RARB: variants seen among roughly 807,000 people sequenced by gnomAD.
The protein encoded by RARB is retinoic acid receptor beta.
A neutral mutation model predicts 51.9 loss-of-function variants in RARB; 17 were observed. That is an observed-to-expected ratio of 0.33 (90% CI 0.22 to 0.49). The LOEUF is 0.49. RARB is among the 20% of genes least tolerant of loss of function. The pLI is 0.99. For synonymous variants in RARB, 215 were observed against 195.4 expected, an observed-to-expected ratio of 1.10 and a Z score of -0.84; for missense variants, 369 against 550.8, an observed-to-expected ratio of 0.67 and a Z score of 3.30.
intron 1 of RARB, among the ~76,000 whole-genome samples, chr3:24,849,188 A>T (rs1478054810): frequency 6.6e-6 from 1 of 152,254 alleles, no homozygotes; most frequent in Non-Finnish European, 1.5e-5. Context: ...TAATAAAAAT[A>T]AGCAATTATA....
chr3:25,569,647 G>A, intron 3 of RARB, 111 bp from the exon 4 acceptor site: 1 of 1,283,274 alleles, frequency 7.8e-7, no homozygotes, highest in South Asian at 1.5e-5. Context: ...CACTGTTTCT[G>A]TCCCAAATAT....
At position 25,332,103 on chromosome 3, in the gene RARB, C is replaced by G. The variant is rs559834714; in HGVS notation, c.179-129090C>G. ...CCAAATTCTACCAGAGGTACAAAGA[C>G]GAGCTGGTACCATTCGTTCTGAAAC... On this transcript the variant is annotated intron_variant, in intron 5 of 11. Coordinates refer to the RARB transcript ENST00000383772. Among the ~76,000 whole-genome samples the G allele has an allele frequency of 3.4e-3, 518 of 152,148 alleles. 2 individuals are homozygous for G. Among genetic ancestry groups the G allele is most frequent in the Admixed American group, 6.0e-3 (91 of 15,264 alleles).
chr3:25,253,253 A>G (rs1411883280), intron 5 of RARB, among the ~76,000 whole-genome samples: 1 of 152,132 alleles, frequency 6.6e-6, no homozygotes, highest in Non-Finnish European at 1.5e-5. Flanking sequence ...TCTATTCTCT[A>G]TCAAAACCTG....
intron 2 of RARB, among the ~76,000 whole-genome samples, chr3:24,927,145 C>T (rs1695337532): frequency 6.6e-6 from 1 of 151,872 alleles, no homozygotes; most frequent in African/African-American, 2.4e-5. Context: ...CCATTTTTTC[C>T]TTATAGTGTC....
At chr3:24,913,918 T>C (rs1695053209) in intron 2 of RARB, among the ~76,000 whole-genome samples, 1 of 152,220 alleles carries the variant, frequency 6.6e-6, no homozygotes, top group African/African-American at 2.4e-5. Flanking sequence ...GACTAATTTT[T>C]CTTAGAATTT....
chr3:25,562,744 G>A (rs530128757), intron 3 of RARB, among the ~76,000 whole-genome samples: 5 of 152,290 alleles, frequency 3.3e-5, no homozygotes, highest in African/African-American at 7.2e-5. Context: ...GCACCACACC[G>A]TGCTTGTCTG....
In RARB at chr3:25,593,727, G is replaced by A. The variant is rs754500239; in HGVS notation, c.991+20G>A. On this transcript the variant is annotated intron_variant, in intron 6 of 7. Transcript: ENST00000330688. ...GTGGAGGTACCAACTATGTAGAAAA[G>A]CCTCATGAAATTCCATGAAGAACAG... is the stretch of plus-strand genomic sequence containing the variant. 1.9e-6 allele frequency: 3 copies of A among 1,604,032 alleles called. No homozygotes were observed. In the African/African-American group the frequency reaches 4.0e-5, roughly 22 times the overall value.
chr3:25,282,778 C>T (rs1445027393), intron 5 of RARB, among the ~76,000 whole-genome samples: 1 of 152,174 alleles, frequency 6.6e-6, no homozygotes, highest in East Asian at 1.9e-4. Context: ...TCAGTGCACC[C>T]ACTGGGACTG....
intron 2 of RARB, among the ~76,000 whole-genome samples, chr3:24,927,195 G>A (rs1014836315): frequency 2.6e-5 from 4 of 152,000 alleles, no homozygotes; most frequent in East Asian, 3.9e-4. Flanking sequence ...AGTAAAACTC[G>A]TAGATTTGCA....
intron 5 of RARB, among the ~76,000 whole-genome samples, chr3:25,397,529 G>T (rs1444053605): frequency 6.6e-6 from 1 of 152,158 alleles, no homozygotes; most frequent in Non-Finnish European, 1.5e-5. Context: ...TCATCCAAGT[G>T]GAACCTGCAA....
chr3:25,042,676 T>A (rs1210223609), intron 2 of RARB, among the ~76,000 whole-genome samples: 1 of 152,204 alleles, frequency 6.6e-6, no homozygotes, highest in East Asian at 1.9e-4. Context: ...TTAACACACT[T>A]ATAACGATGT....
chr3:25,316,172 T>A (rs1288648645), intron 5 of RARB, among the ~76,000 whole-genome samples: 1 of 152,202 alleles, frequency 6.6e-6, no homozygotes, highest in Non-Finnish European at 1.5e-5. Context: ...AGCCCACAGG[T>A]TGATCTGAGG....
chr3:24,971,121 A>T (rs1696389123), intron 2 of RARB, among the ~76,000 whole-genome samples: 2 of 152,026 alleles, frequency 1.3e-5, no homozygotes, highest in Non-Finnish European at 2.9e-5. Flanking sequence ...AGGTGAGATC[A>T]TATAAATGAC....
Position 25,534,983 on chromosome 3 carries a change from C to T in RARB, c.448+33660C>T, listed in dbSNP as rs749975405. On this transcript the variant is annotated intron_variant, in intron 3 of 7. Coordinates refer to ENST00000330688, the MANE Select transcript of RARB (RefSeq NM_000965.5). ...AAGTGAATGAAAATGATCAAAATAG[C>T]CATGTGGCTGTAGGAGAAGCAAAAT... 2.0e-5 allele frequency among the ~76,000 whole-genome samples: 3 copies of T among 152,124 alleles called. 1 individual carries two copies. Among genetic ancestry groups the T allele is most frequent in the Admixed American group, 2.0e-4 (3 of 15,268 alleles).
intron 5 of RARB, among the ~76,000 whole-genome samples, chr3:25,264,971 T>C (rs146483359): frequency 1.3e-5 from 2 of 152,188 alleles, no homozygotes; most frequent in Admixed American, 1.3e-4. Flanking sequence ...GAGGTACTTA[T>C]GTCACACAGA....
intron 2 of RARB, among the ~76,000 whole-genome samples, chr3:24,925,655 T>A (rs73049501): frequency 0.11 from 11,685 of 104,204 alleles, 1,051 homozygotes; most frequent in African/African-American, 0.26. Context: ...TTTTTTTTTT[T>A]AAAAAAAAAA....
intron 5 of RARB, among the ~76,000 whole-genome samples, chr3:25,219,371 T>C (rs968192834): frequency 1.3e-5 from 2 of 152,096 alleles, no homozygotes; most frequent in Non-Finnish European, 2.9e-5. Context: ...AGAGAGAGCA[T>C]AGAAGAGGAG....
chr3:25,315,779 A>G (rs148326776), intron 5 of RARB, among the ~76,000 whole-genome samples: 2 of 128,532 alleles, frequency 1.6e-5, no homozygotes, highest in Non-Finnish European at 3.3e-5. Flanking sequence ...ACACTCAGCT[A>G]ATTTTTTTTT....
Position 24,849,316 on chromosome 3 carries a change from G to C in RARB, c.-458-9358G>C, listed in dbSNP as rs140042330. The stretch of plus-strand genomic sequence containing the variant: ...CTCAGTGAGGGAAACTGCAGATAAG[G>C]GGGGAGCTACTGTATATGCCGCGTG... On this transcript the variant is annotated intron_variant, in intron 1 of 11. Coordinates refer to the RARB transcript ENST00000383772. Among the ~76,000 whole-genome samples, 751 of 152,260 alleles carry C rather than the reference G, an allele frequency of 4.9e-3. 6 individuals are homozygous for C. Among genetic ancestry groups the C allele is most frequent in the African/African-American group, 0.017 (691 of 41,550 alleles).
Sources: gnomAD v4.1 joint callset for allele counts (sites outside exome capture counted in the v4.1 genomes callset) on GRCh38, gnomAD v4.1.1 for gene constraint, MANE v1.5 for transcripts, NCBI Gene and HGNC (gene_info 2026-07-23, HGNC 2026-07-21) for gene names.